The following IRF2 variants were observed in gnomAD, a reference collection of about 807,000 sequenced individuals.
IRF2 encodes the protein interferon regulatory factor 2.
In IRF2, 15 loss-of-function variants were observed where a neutral mutation model predicts 40.6. The observed-to-expected ratio is 0.37, with a 90% confidence interval of 0.25 to 0.57. IRF2 has a LOEUF of 0.57. IRF2 is among the 20% of genes least tolerant of loss of function. The pLI, the probability that IRF2 is intolerant of heterozygous loss-of-function variation, is 0.77. For synonymous variants in IRF2, 151 were observed against 165.5 expected (o/e 0.91, Z 0.67); for missense variants, 317 against 455.7 (o/e 0.70, Z 2.77).
At chr4:184,426,082 C>A (rs1382263973) in intron 2 of IRF2, among the ~76,000 whole-genome samples, 1 of 152,122 alleles carries the variant, frequency 6.6e-6, no homozygotes, top group African/African-American at 2.4e-5. Flanking sequence ...GCTCACGCAA[C>A]CTCCACCACT....
chr4:184,436,217 C>T (rs1246427108), intron 1 of IRF2, among the ~76,000 whole-genome samples: 3 of 152,128 alleles, frequency 2.0e-5, no homozygotes, highest in Non-Finnish European at 2.9e-5. Flanking sequence ...CCTCGTGATC[C>T]GCCCACTTTG....
rs1211856997 is a variant in IRF2 at position 184,470,705 on chromosome 4, GA to G, written c.-7+3673del. Among the ~76,000 whole-genome samples, 67 of 8,486 alleles carry G rather than the reference GA, an allele frequency of 7.9e-3. 1 individual carries two copies. The highest frequency in any genetic ancestry group is 0.014 in the East Asian group (4 of 296). 5.6% of individuals were successfully genotyped at this position (8,486 alleles called of 152,430 possible). On this transcript the variant is annotated intron_variant, in intron 1 of 8. Transcript: ENST00000393593. Reference sequence around the variant, plus strand: ...ACTCTGCCTCAAAAAAAAAAAAAAAGAAAAGAAAAAAAAGGTGGTAAAAGCA... The same window carrying G: ...ACTCTGCCTCAAAAAAAAAAAAAAAGAAAGAAAAAAAAGGTGGTAAAAGCA...
chr4:184,466,092 C>G (rs545963629), intron 1 of IRF2, among the ~76,000 whole-genome samples: 60 of 149,838 alleles, frequency 4.0e-4, no homozygotes, highest in Middle Eastern at 6.8e-3. Context: ...TGAAGTCTCA[C>G]GCTTGTCACC....
chr4:184,455,274 TC>T (rs1738878369), intron 1 of IRF2, among the ~76,000 whole-genome samples: 1 of 22,760 alleles, frequency 4.4e-5, no homozygotes. Flanking sequence ...TCCCTCTCCC[TC>T]CCCTCCCCCT....
At chr4:184,425,525 C>T (rs1443020342) in intron 2 of IRF2, among the ~76,000 whole-genome samples, 1 of 152,248 alleles carries the variant, frequency 6.6e-6, no homozygotes, top group Non-Finnish European at 1.5e-5. Flanking sequence ...TGTTCCAGGG[C>T]GGTGCTGAGA....
chr4:184,401,012 G>A (rs997492648), intron 6 of IRF2, among the ~76,000 whole-genome samples: 2 of 152,212 alleles, frequency 1.3e-5, no homozygotes, highest in South Asian at 2.1e-4. Flanking sequence ...AGAAAGCATC[G>A]TTATCCTGTT....
intron 1 of IRF2, among the ~76,000 whole-genome samples, chr4:184,465,418 CT>C (rs1210492393): frequency 2.6e-5 from 4 of 151,956 alleles, no homozygotes; most frequent in Non-Finnish European, 4.4e-5. Context: ...GAATATTTTT[CT>C]GGTTAAAAGG....
chr4:184,425,091 T>G (rs551673411), intron 2 of IRF2, among the ~76,000 whole-genome samples: 1 of 152,164 alleles, frequency 6.6e-6, no homozygotes, highest in East Asian at 1.9e-4. Flanking sequence ...ACAATAAACA[T>G]GAACACATCC....
At position 184,389,525 on chromosome 4, in the gene IRF2, A is replaced by G. The variant is rs543932903; in HGVS notation, c.742-459T>C. 2.6e-5 allele frequency among the ~76,000 whole-genome samples: 4 copies of G among 152,264 alleles called. No individual in the cohort carries two copies. The South Asian group carries it at 8.3e-4, about 32-fold the overall frequency. ...ACTGCAGAATGAACAAAGGCTTAGC[A>G]CCTCTACATCCCTCAACTGAAATCT... On this transcript the variant is annotated intron_variant, in intron 8 of 8. Transcript: ENST00000393593.
In IRF2 at chr4:184,441,571, AG is replaced by A. The variant is rs1232029238; in HGVS notation, c.-6-12502del. ...TTGGAACACAACCTGTTGGTAAGCA[AG>A]GGAGCTTTTCTGTGAGTAACTGCCT... On this transcript the variant is annotated intron_variant, in intron 1 of 8. Coordinates refer to ENST00000393593, the MANE Select transcript of IRF2 (RefSeq NM_002199.4). 2.0e-5 allele frequency among the ~76,000 whole-genome samples: 3 copies of A among 152,222 alleles called. No homozygotes were observed. In the East Asian group the frequency reaches 5.8e-4, roughly 29 times the overall value.
chr4:184,421,875 T>G (rs1477857393), intron 2 of IRF2, among the ~76,000 whole-genome samples: 6 of 152,074 alleles, frequency 3.9e-5, no homozygotes, highest in Non-Finnish European at 7.4e-5. Flanking sequence ...AGTTCAGGTG[T>G]TTGTCCCCTC....
chr4:184,405,409 C>T (rs1450164011), intron 6 of IRF2, among the ~76,000 whole-genome samples: 1 of 152,198 alleles, frequency 6.6e-6, no homozygotes, highest in Non-Finnish European at 1.5e-5. Context: ...AAAGCCTTTG[C>T]AGCTGCTCCA....
intron 1 of IRF2, among the ~76,000 whole-genome samples, chr4:184,443,237 A>AG (rs70959198): frequency 0.048 from 7,259 of 152,218 alleles, 318 homozygotes; most frequent in African/African-American, 0.12. Flanking sequence ...TTTTAAATTC[A>AG]GGGGTACCTG....
Position 184,388,715 on chromosome 4 carries a change from C to A in IRF2, c.*43G>T. On this transcript the variant is annotated 3_prime_UTR_variant, in exon 9 of 9. Transcript: ENST00000393593. The surrounding 1 kb of genome is among the most constrained non-coding windows in gnomAD (Gnocchi z 4.6). ...AATAAAATACAAACAAACAACAAAA[C>A]AAAGCCAAGAAGCCCCAACAACCAC... The A allele has an allele frequency of 6.4e-7, 1 of 1,557,938 alleles. No homozygotes were observed. Among genetic ancestry groups the A allele is most frequent in the East Asian group, 2.3e-5 (1 of 44,372 alleles).
In IRF2 at chr4:184,408,596, C is replaced by A. The variant is rs1299283036; in HGVS notation, c.412-321G>T. On this transcript the variant is annotated intron_variant, in intron 5 of 8. Coordinates refer to ENST00000393593, the MANE Select transcript of IRF2 (RefSeq NM_002199.4). This position sits in a 1 kb window ranked among gnomAD's most constrained non-coding sequence, Gnocchi z 4.9. ...GCTGCATCATTGTCTCTGTAAAATG[C>A]TGCACTGCGTGGATTCTACACTCTC... Among the ~76,000 whole-genome samples the A allele has an allele frequency of 6.6e-6, 1 of 152,230 alleles. No homozygotes were observed. The highest frequency in any genetic ancestry group is 2.4e-5 in the African/African-American group (1 of 41,458).
chr4:184,423,219 C>A (rs958268301), intron 2 of IRF2, among the ~76,000 whole-genome samples: 1 of 152,144 alleles, frequency 6.6e-6, no homozygotes, highest in Non-Finnish European at 1.5e-5. Flanking sequence ...CCCCGAGTGA[C>A]CAGTCCTGCA....
chr4:184,396,783 G>C (rs1290933245), intron 7 of IRF2, among the ~76,000 whole-genome samples: 1 of 151,974 alleles, frequency 6.6e-6, no homozygotes, highest in South Asian at 2.1e-4. Context: ...AGGCTGACAG[G>C]GTTACTCTAA....
intron 1 of IRF2, among the ~76,000 whole-genome samples, chr4:184,440,245 T>C (rs1360207541): frequency 6.6e-6 from 1 of 152,174 alleles, no homozygotes; most frequent in African/African-American, 2.4e-5. Flanking sequence ...CCTCCTTCCA[T>C]GCTCCCGCGG....
At chr4:184,445,911 C>T (rs930136547) in intron 1 of IRF2, among the ~76,000 whole-genome samples, 6 of 152,128 alleles carry the variant, frequency 3.9e-5, no homozygotes, top group Non-Finnish European at 1.5e-5. Context: ...TCAAGTTAAA[C>T]GAGGTCATAC....
Sources: allele counts gnomAD v4.1 joint callset (sites outside exome capture counted in the v4.1 genomes callset), GRCh38; gene constraint gnomAD v4.1.1; non-coding constraint Gnocchi (gnomAD v3.1); transcripts MANE v1.5; gene names NCBI Gene and HGNC (gene_info 2026-07-23, HGNC 2026-07-21).